Variants in RSPH14 observed in about 807,000 individuals in gnomAD.
The protein encoded by RSPH14 is radial spoke head 14 homolog.
In RSPH14, 20 loss-of-function variants were observed where a neutral mutation model predicts 26.7. The observed-to-expected ratio is 0.75, with a 90% CI of 0.53 to 1.09. The LOEUF (loss-of-function observed/expected upper bound fraction) is 1.09, where lower values mean the gene tolerates loss of function less well. Among genes scored for constraint, RSPH14 ranks in the 50% least tolerant of loss-of-function variants. The probability of loss-of-function intolerance (pLI) is 0.00; values close to 1 mark genes in which losing one functional copy is unlikely to be tolerated. For missense variants in RSPH14, 449 were observed against 457.2 expected (o/e 0.98, Z 0.16); for synonymous variants, 177 against 189.3 (o/e 0.93, Z 0.53).
At position 23,064,268 on chromosome 22, in the gene RSPH14, C is replaced by G. The variant is rs541703622; in HGVS notation, c.422-135G>C. On this transcript the variant is annotated intron_variant, in intron 4 of 6. Coordinates refer to ENST00000216036, the MANE Select transcript of RSPH14 (RefSeq NM_014433.3). Reference sequence around the variant, plus strand: ...GACAAAAGGACTTGCAAGTGCCACCCCCACACACACGTCCCGCCTGGCCAG... The same window carrying G: ...GACAAAAGGACTTGCAAGTGCCACCGCCACACACACGTCCCGCCTGGCCAG... The G allele has an allele frequency of 1.5e-5, 11 of 748,930 alleles. No individual in the cohort carries two copies. In the African/African-American group the frequency reaches 1.7e-4, roughly 12 times the overall value. 46.4% of individuals were successfully genotyped at this position (748,930 alleles called of 1,614,324 possible).
intron 2 of RSPH14, among the ~76,000 whole-genome samples, chr22:23,139,166 C>T (rs894229610): frequency 4.6e-5 from 7 of 152,240 alleles, no homozygotes; most frequent in African/African-American, 1.4e-4. Context: ...TGCACACTTC[C>T]TACCAGTGAC....
chr22:23,088,356 G>T lies in RSPH14; in HGVS notation c.422-24223C>A, dbSNP rs566485459. On this transcript the variant is annotated intron_variant, in intron 4 of 6. Transcript: ENST00000216036. ...TGCCCCACATCCTTGTGTGAGGAAG[G>T]GCCTGTGGTCACAGGCATCAGTGAG... Among the ~76,000 whole-genome samples, 18 of 152,252 alleles carry T rather than the reference G, an allele frequency of 1.2e-4. No homozygotes were observed. In the South Asian group the frequency reaches 3.7e-3, roughly 32 times the overall value.
intron 4 of RSPH14, among the ~76,000 whole-genome samples, chr22:23,130,280 C>A (rs1380586324): frequency 1.3e-5 from 2 of 150,446 alleles, no homozygotes; most frequent in Admixed American, 6.6e-5. Flanking sequence ...ACGGTGAAAC[C>A]CCGTTTCTAC....
the RSPH14 span, chr22:23,153,462 C>T: frequency 1.3e-4 from 81 of 602,926 alleles, no homozygotes; most frequent in East Asian, 7.9e-3. Context: ...TGTGATCCCA[C>T]TCACCAGGCC....
At chr22:23,067,539 C>A (rs1057144072) in intron 4 of RSPH14, among the ~76,000 whole-genome samples, 1 of 152,242 alleles carries the variant, frequency 6.6e-6, no homozygotes, top group Non-Finnish European at 1.5e-5. Flanking sequence ...GAACTCCTGG[C>A]CCACTGGGCC....
At chr22:23,064,271 A>G (rs373017834) in intron 4 of RSPH14, 138 bp from the exon 5 acceptor site, 1 of 740,044 alleles carries the variant, frequency 1.4e-6, no homozygotes, top group Non-Finnish European at 2.3e-6. Context: ...TGCCACCCCC[A>G]CACACACGTC....
At chr22:23,145,731 G>A (rs761834420), upstream of RSPH14, among the ~76,000 whole-genome samples, 3 of 152,232 alleles carry the variant, frequency 2.0e-5, no homozygotes, top group Non-Finnish European at 4.4e-5. Context: ...GGCCAGGCCC[G>A]CGCTGGTTGT....
the RSPH14 span, among the ~76,000 whole-genome samples, chr22:23,157,166 G>A: frequency 2.4e-4 from 36 of 152,310 alleles, no homozygotes; most frequent in African/African-American, 7.2e-4. Context: ...CTGGCTCCCC[G>A]GAAGTTGTTT....
chr22:23,145,401 C>T (rs376247610), upstream of RSPH14: 82 of 1,609,378 alleles, frequency 5.1e-5, no homozygotes, highest in Non-Finnish European at 6.6e-5. Flanking sequence ...TGCTTGGACG[C>T]GCCGCTGCCA....
the RSPH14 span, among the ~76,000 whole-genome samples, chr22:23,179,179 C>T: frequency 6.6e-6 from 1 of 152,168 alleles, no homozygotes; most frequent in Non-Finnish European, 1.5e-5. Context: ...ATGACGCTGG[C>T]ATTGGGAGGA....
rs552249741 is a variant in RSPH14 at position 23,126,005 on chromosome 22, C to T, written c.421+8021G>A. ...CGCCCCATCCCTACTCCTAAGCCCA[C>T]GCAGGGACTCCCTTCACACCTTCCT... On this transcript the variant is annotated intron_variant, in intron 4 of 6. Transcript: ENST00000216036. Among the ~76,000 whole-genome samples the T allele has an allele frequency of 2.8e-3, 426 of 152,350 alleles. 4 individuals are homozygous for T. Among genetic ancestry groups the T allele is most frequent in the African/African-American group, 9.8e-3 (409 of 41,562 alleles).
At chr22:23,070,090 CG>C (rs1236947983) in intron 4 of RSPH14, among the ~76,000 whole-genome samples, 1 of 152,090 alleles carries the variant, frequency 6.6e-6, no homozygotes, top group Non-Finnish European at 1.5e-5. Flanking sequence ...AACGCCGGCG[CG>C]GGGAGCTCTT....
intron 4 of RSPH14, among the ~76,000 whole-genome samples, chr22:23,089,870 C>T (rs1366462877): frequency 6.6e-6 from 1 of 152,096 alleles, no homozygotes; most frequent in Non-Finnish European, 1.5e-5. Flanking sequence ...AGCCTACAGC[C>T]AAGAGATGCT....
rs140623751 is a variant in RSPH14 at position 23,107,180 on chromosome 22, C to T, written c.421+26846G>A. On this transcript the variant is annotated intron_variant, in intron 4 of 6. Coordinates refer to ENST00000216036, the MANE Select transcript of RSPH14 (RefSeq NM_014433.3). ...TTACTATGAGCACTACAGTTGTCACCAGGCATAGTTGCAGGGGGGAGGGGG... is the reference window on the plus strand; with the variant it reads ...TTACTATGAGCACTACAGTTGTCACTAGGCATAGTTGCAGGGGGGAGGGGG... Among the ~76,000 whole-genome samples, 870 of 152,316 alleles carry T rather than the reference C, an allele frequency of 5.7e-3. 9 individuals carry two copies. The highest frequency in any genetic ancestry group is 0.023 in the South Asian group (109 of 4,826).
upstream of RSPH14, among the ~76,000 whole-genome samples, chr22:23,148,490 C>T (rs79928005): frequency 2.0e-5 from 3 of 152,114 alleles, no homozygotes; most frequent in Non-Finnish European, 2.9e-5. Flanking sequence ...TTGACCTGGC[C>T]GTGTCTGGCT....
At chr22:23,161,037 C>T in the RSPH14 span, 4 of 1,559,868 alleles carry the variant, frequency 2.6e-6, no homozygotes, top group Non-Finnish European at 3.5e-6. Context: ...GGGGAGTAGG[C>T]TGGAGGCCTA....
At chr22:23,155,094 T>C in the RSPH14 span, among the ~76,000 whole-genome samples, 1 of 152,052 alleles carries the variant, frequency 6.6e-6, no homozygotes, top group Non-Finnish European at 1.5e-5. Context: ...CATTACACTC[T>C]AGCCTGGGCA....
chr22:23,118,519 G>A (rs1395671621), intron 4 of RSPH14, among the ~76,000 whole-genome samples: 1 of 151,692 alleles, frequency 6.6e-6, no homozygotes, highest in Non-Finnish European at 1.5e-5. Flanking sequence ...AGAGGTGAAG[G>A]CAAGGAGGGC....
At chr22:23,126,150 C>T (rs1414847659) in intron 4 of RSPH14, among the ~76,000 whole-genome samples, 13 of 152,184 alleles carry the variant, frequency 8.5e-5, no homozygotes, top group African/African-American at 2.4e-4. Context: ...GCAGTAATTT[C>T]GCCGTGAGCA....
Sources: gnomAD v4.1 joint callset for allele counts (sites outside exome capture counted in the v4.1 genomes callset) on GRCh38, gnomAD v4.1.1 for gene constraint, MANE v1.5 for transcripts, NCBI Gene and HGNC (gene_info 2026-07-23, HGNC 2026-07-21) for gene names.